LRRC37B: variants seen among roughly 807,000 people sequenced by gnomAD.
LRRC37B encodes leucine-rich repeat-containing protein 37B.
In LRRC37B, 28 loss-of-function variants were observed where a neutral mutation model predicts 98.3. The ratio of observed to expected loss-of-function variants is 0.28; its 90% confidence interval spans 0.21 to 0.39. LRRC37B has a LOEUF of 0.39. Ranked by LOEUF, LRRC37B falls within the 10% of genes least tolerant of loss-of-function variation. LRRC37B has a pLI of 1.00. For missense variants in LRRC37B, 938 were observed against 1,182.7 expected, an observed-to-expected ratio of 0.79 and a Z score of 3.03; for synonymous variants, 364 against 442.7, an observed-to-expected ratio of 0.82 and a Z score of 2.23.
intron 5 of LRRC37B, among the ~76,000 whole-genome samples, chr17:32,034,639 G>GTTCTGTGGCATATT (rs1342228838): frequency 6.6e-6 from 1 of 151,094 alleles, no homozygotes; most frequent in East Asian, 1.9e-4. Flanking sequence ...GACCTGAAAA[G>GTTCTGTGGCATATT]TTCTGTGGCA....
chr17:32,021,225 C>T (rs1910764096), exon 1 of LRRC37B: 1 of 1,612,664 alleles, frequency 6.2e-7, no homozygotes, highest in South Asian at 1.1e-5. Context: ...GGAGGCTCAG[C>T]CTCTGGTGTG....
upstream of LRRC37B, among the ~76,000 whole-genome samples, chr17:32,020,423 A>C (rs1396519234): frequency 6.6e-6 from 1 of 151,922 alleles, no homozygotes; most frequent in African/African-American, 2.4e-5. Context: ...GGCTGTGTTG[A>C]GTTAAGGCAG....
At chr17:32,052,396 C>T (rs996698017) in intron 11 of LRRC37B, 2 of 152,074 alleles carry the variant, frequency 1.3e-5, no homozygotes, top group African/African-American at 4.8e-5. Context: ...GCTGGTTTTC[C>T]TGCCACTTTA....
chr17:32,041,845 C>T (rs990906276), intron 7 of LRRC37B: 3 of 459,042 alleles, frequency 6.5e-6, no homozygotes, highest in African/African-American at 6.0e-5. Context: ...AAGGTGCTCT[C>T]AGAAACACTA....
intron 2 of LRRC37B, among the ~76,000 whole-genome samples, chr17:32,026,492 G>A (rs1910956723): frequency 6.6e-6 from 1 of 152,158 alleles, no homozygotes. Flanking sequence ...TCACTGGTGC[G>A]ATCTTGGCTC....
upstream of LRRC37B, among the ~76,000 whole-genome samples, chr17:32,007,636 G>A (rs890839428): frequency 6.6e-6 from 1 of 151,278 alleles, no homozygotes; most frequent in African/African-American, 2.4e-5. This position sits in a 1 kb window ranked among gnomAD's most constrained non-coding sequence, Gnocchi z 4.1. Flanking sequence ...GGCCGACCAA[G>A]CAGCCCGCGG....
At chr17:32,010,081 A>C (rs1910492665) in intron 1 of LRRC37B, among the ~76,000 whole-genome samples, 1 of 152,146 alleles carries the variant, frequency 6.6e-6, no homozygotes, top group Non-Finnish European at 1.5e-5. Flanking sequence ...TTTTTCCCAG[A>C]GCATAAGTTT....
Position 32,022,849 on chromosome 17 carries a change from ATCC to A in LRRC37B, c.1760+27_1760+29del, listed in dbSNP as rs754936513. The A allele has an allele frequency of 6.9e-5, 110 of 1,603,358 alleles. No individual in the cohort carries two copies. In the East Asian group the frequency reaches 2.1e-3, roughly 31 times the overall value. On this transcript the variant is annotated intron_variant, in intron 1 of 11. Transcript: ENST00000327564. ...TTGTAAGAATCACCTTTCCTCAATCATCCTCTGTGTCTTGCCTGACATGGCAGC... is the reference window on the plus strand; with the variant it reads ...TTGTAAGAATCACCTTTCCTCAATCATCTGTGTCTTGCCTGACATGGCAGC...
intron 7 of LRRC37B, among the ~76,000 whole-genome samples, chr17:32,038,311 T>C (rs1911311120): frequency 6.6e-6 from 1 of 151,736 alleles, no homozygotes; most frequent in Non-Finnish European, 1.5e-5. Flanking sequence ...ACATAAAAAT[T>C]AGGCAGGTGC....
At chr17:32,025,761 A>G (rs911559504) in intron 2 of LRRC37B, among the ~76,000 whole-genome samples, 1 of 152,254 alleles carries the variant, frequency 6.6e-6, no homozygotes, top group Non-Finnish European at 1.5e-5. Flanking sequence ...TAGCATAGAT[A>G]TCTAGAAATG....
At position 32,022,729 on chromosome 17, in the gene LRRC37B, A is replaced by T. The variant is rs770310373; in HGVS notation, c.1664A>T (p.Asp555Val). The stretch of plus-strand genomic sequence containing the variant: ...ATATGTGAGCTCTGCACCTGCGGAG[A>T]TGAGACTCTGTCATGTGTTGGTCTC... Residue 555 changes from aspartate to valine, a missense_variant, in exon 1 of 12, where the codon GAT becomes GTT. Physicochemically the swap from Asp to Val is radical, Grantham distance 152 (BLOSUM62 -3). Transcript: ENST00000327564. 7 of 1,613,930 alleles carry T rather than the reference A, an allele frequency of 4.3e-6. No homozygotes were observed. In the Admixed American group the frequency reaches 1.2e-4, roughly 27 times the overall value.
At chr17:32,043,676 A>G (rs1450526471) in intron 7 of LRRC37B, among the ~76,000 whole-genome samples, 1 of 152,226 alleles carries the variant, frequency 6.6e-6, no homozygotes, top group Non-Finnish European at 1.5e-5. Context: ...TTGGACCCAA[A>G]GGAATACGAG....
In LRRC37B at chr17:32,040,617, C is replaced by T. The variant is rs574336393; in HGVS notation, c.2204+4978C>T. The T allele has an allele frequency of 1.2e-3, 897 of 776,364 alleles. 2 individuals are homozygous for T. The highest frequency in any genetic ancestry group is 1.7e-3 in the Non-Finnish European group (724 of 416,552). 48.1% of individuals were successfully genotyped at this position (776,364 alleles called of 1,614,324 possible). On this transcript the variant is annotated intron_variant, in intron 7 of 11. Coordinates refer to ENST00000327564, the Ensembl canonical transcript of LRRC37B. Reference sequence around the variant, plus strand: ...GTACCTGCAGCCCAACCCAGCCTCACAGGCTAAGCTGACCATGCTCAACAC... The same window carrying T: ...GTACCTGCAGCCCAACCCAGCCTCATAGGCTAAGCTGACCATGCTCAACAC...
intron 2 of LRRC37B, among the ~76,000 whole-genome samples, chr17:32,025,117 G>A (rs1376105943): frequency 8.9e-6 from 1 of 112,988 alleles, no homozygotes; most frequent in Non-Finnish European, 1.7e-5. Flanking sequence ...TCTCACTGCA[G>A]CCTTCACCTC....
chr17:32,009,916 G>T (rs1182306372), intron 1 of LRRC37B, among the ~76,000 whole-genome samples: 1 of 152,172 alleles, frequency 6.6e-6, no homozygotes, highest in Non-Finnish European at 1.5e-5. Context: ...AAAGTGCTGG[G>T]ATTAGAGACA....
At chr17:32,024,442 C>T in intron 1 of LRRC37B, 3 of 724,372 alleles carry the variant, frequency 4.1e-6, no homozygotes, top group South Asian at 1.6e-5. Context: ...AAAATACTTA[C>T]ATTCAAAGTA....
exon 1 of LRRC37B, chr17:32,022,124 T>G: frequency 6.2e-7 from 1 of 1,613,486 alleles, no homozygotes; most frequent in Admixed American, 1.7e-5. Flanking sequence ...AAGTGACAGT[T>G]CAACCTCCAG....
chr17:32,013,762 G>A (rs1313112485), intron 1 of LRRC37B, among the ~76,000 whole-genome samples: 1 of 150,516 alleles, frequency 6.6e-6, no homozygotes, highest in Non-Finnish European at 1.5e-5. Flanking sequence ...AATGTATGTA[G>A]GTATATAGAT....
At chr17:32,023,204 C>G (rs797020031) in intron 1 of LRRC37B, among the ~76,000 whole-genome samples, 4 of 151,640 alleles carry the variant, frequency 2.6e-5, no homozygotes, top group African/African-American at 9.7e-5. Context: ...TCACCGCAAC[C>G]TCCGTCTCCC....
Sources: gnomAD v4.1 joint callset for allele counts (sites outside exome capture counted in the v4.1 genomes callset) on GRCh38, gnomAD v4.1.1 for gene constraint, Gnocchi (gnomAD v3.1) non-coding constraint, MANE v1.5 for transcripts, NCBI Gene and HGNC (gene_info 2026-07-23, HGNC 2026-07-21) for gene names.